STIM1: variants seen among roughly 807,000 people sequenced by gnomAD.
The protein encoded by STIM1 is stromal interaction molecule 1.
STIM1 carries 25 observed loss-of-function variants against 74.7 expected under a neutral mutation model. The ratio of observed to expected loss-of-function variants is 0.33; its 90% CI spans 0.24 to 0.47. STIM1 has a LOEUF of 0.47. Ranked by LOEUF, STIM1 falls within the 20% of genes least tolerant of loss-of-function variation. The probability of loss-of-function intolerance (pLI) is 1.00; values close to 1 mark genes in which losing one functional copy is unlikely to be tolerated. For synonymous variants in STIM1, 328 were observed against 348.8 expected (o/e 0.94, Z 0.66); for missense variants, 728 against 920.8 (o/e 0.79, Z 2.71).
intron 11 of STIM1, among the ~76,000 whole-genome samples, chr11:4,085,596 C>T (rs761176956): frequency 6.6e-6 from 1 of 152,226 alleles, no homozygotes; most frequent in Middle Eastern, 3.2e-3. Flanking sequence ...CATATTTGAG[C>T]ACCTTCTCTA....
Position 4,047,615 on chromosome 11 carries a change from CAAACA to C in STIM1, c.386-7888_386-7884del, listed in dbSNP as rs534777254. On this transcript the variant is annotated intron_variant, in intron 3 of 12. Coordinates refer to ENST00000526596, the MANE Select transcript of STIM1 (RefSeq NM_001382567.1). ...TGGGTGGCAGAGCAAGACCCTTTTT[CAAACA>C]AAACAAAACAAAACAAAACAAAGAC... Among the ~76,000 whole-genome samples, 146 of 151,430 alleles carry C rather than the reference CAAACA, an allele frequency of 9.6e-4. 1 individual carries two copies. Among genetic ancestry groups the C allele is most frequent in the African/African-American group, 2.9e-3 (121 of 41,314 alleles).
rs528785343 is a variant in STIM1, at chr11:3,862,268, G to A, written c.139+5859G>A. On this transcript the variant is annotated intron_variant, in intron 1 of 12. Coordinates refer to ENST00000526596, the MANE Select transcript of STIM1 (RefSeq NM_001382567.1). ...CCCCTAAAAAGTAAGACCTGGGATA[G>A]GAACTTGCAGAGAGTTTATTTCGGA... 1.7e-3 allele frequency among the ~76,000 whole-genome samples: 257 copies of A among 152,284 alleles called. 1 individual carries two copies. Among genetic ancestry groups the A allele is most frequent in the African/African-American group, 6.0e-3 (251 of 41,566 alleles).
chr11:3,901,181 A>C (rs1337176054), intron 1 of STIM1, among the ~76,000 whole-genome samples: 1 of 152,176 alleles, frequency 6.6e-6, no homozygotes, highest in Non-Finnish European at 1.5e-5. Context: ...ACTCAGCCTC[A>C]AAAAAATAAA....
At chr11:3,921,996 G>A (rs2092723272) in intron 1 of STIM1, 1 of 152,144 alleles carries the variant, frequency 6.6e-6, no homozygotes, top group Admixed American at 6.6e-5. Flanking sequence ...TAAGAGACCA[G>A]AGCCATAGCC....
rs576362089 is a variant in STIM1 at position 4,028,391 on chromosome 11, T to A, written c.385+4404T>A. Among the ~76,000 whole-genome samples, 8 of 151,506 alleles carry A rather than the reference T, an allele frequency of 5.3e-5. No individual in the cohort carries two copies. The South Asian group carries it at 1.3e-3, about 24-fold the overall frequency. ...GCCACTGTGCCTGGTGAATATTTCT[T>A]TTTTTTTCTTTCTTTTTCTTTTCTT... On this transcript the variant is annotated intron_variant, in intron 3 of 12. Coordinates refer to ENST00000526596, the MANE Select transcript of STIM1 (RefSeq NM_001382567.1).
At chr11:4,021,150 GGTGGTT>G (rs200930834) in intron 2 of STIM1, among the ~76,000 whole-genome samples, 20 of 152,056 alleles carry the variant, frequency 1.3e-4, no homozygotes, top group East Asian at 3.9e-4. Flanking sequence ...TGGTGGTGGT[GGTGGTT>G]GTTGTTGTTG....
intron 1 of STIM1, among the ~76,000 whole-genome samples, chr11:3,953,021 T>C (rs1422917051): frequency 1.3e-5 from 2 of 152,078 alleles, no homozygotes; most frequent in Non-Finnish European, 2.9e-5. Context: ...TCTTGTGAGA[T>C]CAAAATTTGA....
At chr11:4,048,847 C>T (rs532618027) in intron 3 of STIM1, among the ~76,000 whole-genome samples, 1 of 152,034 alleles carries the variant, frequency 6.6e-6, no homozygotes, top group African/African-American at 2.4e-5. Context: ...AATTCTCCTA[C>T]CTTAGCCTCC....
At chr11:3,897,915 T>C (rs1401467096) in intron 1 of STIM1, among the ~76,000 whole-genome samples, 2 of 152,168 alleles carry the variant, frequency 1.3e-5, no homozygotes, top group African/African-American at 4.8e-5. Context: ...AGTCTACCAT[T>C]GTTGGACATT....
chr11:3,862,548 C>T (rs1438865459), intron 1 of STIM1, among the ~76,000 whole-genome samples: 1 of 152,192 alleles, frequency 6.6e-6, no homozygotes, highest in African/African-American at 2.4e-5. Flanking sequence ...TCCAGAGTTG[C>T]ATATGCATCA....
intron 1 of STIM1, among the ~76,000 whole-genome samples, chr11:3,905,548 G>C (rs2092451891): frequency 6.6e-6 from 1 of 152,032 alleles, no homozygotes; most frequent in Non-Finnish European, 1.5e-5. Context: ...CTAGAGCATG[G>C]GGCAGACAAG....
At chr11:3,909,795 G>GA (rs5789316) in intron 1 of STIM1, among the ~76,000 whole-genome samples, 119,840 of 140,714 alleles carry the variant, frequency 0.85, 50,836 homozygotes, top group South Asian at 0.91. Context: ...CCATCTCAAA[G>GA]AAAAAAAAAA....
rs184900652 is a variant in STIM1, at chr11:4,084,133, C to T, written c.1475-540C>T. ...TGCAAGTGATGAGAGTTGAGTAGAGCAGAGCCAAAAGGAACAACACTGGAA... is the reference window on the plus strand; with the variant it reads ...TGCAAGTGATGAGAGTTGAGTAGAGTAGAGCCAAAAGGAACAACACTGGAA... On this transcript the variant is annotated intron_variant, in intron 10 of 12. Transcript: ENST00000526596. Among the ~76,000 whole-genome samples the T allele has an allele frequency of 6.3e-4, 96 of 152,278 alleles. 1 individual carries two copies. The highest frequency in any genetic ancestry group is 2.3e-3 in the African/African-American group (94 of 41,558).
chr11:4,005,872 T>C (rs1167543804), intron 2 of STIM1, among the ~76,000 whole-genome samples: 1 of 152,192 alleles, frequency 6.6e-6, no homozygotes, highest in Non-Finnish European at 1.5e-5. Flanking sequence ...GAAACAGATA[T>C]TTCACTCATG....
chr11:4,037,855 A>G (rs985312247), intron 3 of STIM1, among the ~76,000 whole-genome samples: 3 of 151,916 alleles, frequency 2.0e-5, no homozygotes, highest in Admixed American at 2.0e-4. Flanking sequence ...TTTTCTTGCT[A>G]TTTGTTTTCC....
intron 2 of STIM1, among the ~76,000 whole-genome samples, chr11:4,011,763 A>G (rs1015687858): frequency 2.0e-5 from 3 of 152,108 alleles, no homozygotes; most frequent in Non-Finnish European, 4.4e-5. Context: ...TTTTGTTGCC[A>G]TTGCTTTTGG....
At chr11:4,018,458 CAAAAAA>C (rs1157096857) in intron 2 of STIM1, among the ~76,000 whole-genome samples, 1 of 20,556 alleles carries the variant, frequency 4.9e-5, no homozygotes, top group Non-Finnish European at 1.4e-4. Context: ...GACTCCGTCT[CAAAAAA>C]AAAAAAAAAA....
At chr11:4,017,898 T>C (rs1283321170) in intron 2 of STIM1, among the ~76,000 whole-genome samples, 3 of 152,216 alleles carry the variant, frequency 2.0e-5, no homozygotes, top group African/African-American at 4.8e-5. Flanking sequence ...CCTTTTATAG[T>C]CTACTTTTTA....
intron 2 of STIM1, among the ~76,000 whole-genome samples, chr11:3,980,006 A>G (rs1015512540): frequency 2.0e-5 from 3 of 151,716 alleles, no homozygotes; most frequent in Non-Finnish European, 4.4e-5. Flanking sequence ...CTCAATACTA[A>G]CTCCCATAGT....
Sources: allele counts gnomAD v4.1 joint callset (sites outside exome capture counted in the v4.1 genomes callset), GRCh38; gene constraint gnomAD v4.1.1; transcripts MANE v1.5; gene names NCBI Gene and HGNC (gene_info 2026-07-23, HGNC 2026-07-21).